Variants in NFIL3 observed in about 807,000 individuals in gnomAD.
NFIL3 encodes nuclear factor interleukin-3-regulated protein.
NFIL3 carries 5 observed loss-of-function variants against 10.0 expected under a neutral mutation model. That is an observed-to-expected ratio of 0.50 (90% confidence interval 0.26 to 1.06). The LOEUF (loss-of-function observed/expected upper bound fraction) is 1.06. NFIL3 is among the 50% of genes least tolerant of loss of function. NFIL3 has a pLI of 0.13. For missense variants in NFIL3, 436 were observed against 547.6 expected, an observed-to-expected ratio of 0.80 and a Z score of 2.03; for synonymous variants, 202 against 206.5, an observed-to-expected ratio of 0.98 and a Z score of 0.19.
chr9:91,462,025 G>C, the NFIL3 span, among the ~76,000 whole-genome samples: 2 of 152,040 alleles, frequency 1.3e-5, no homozygotes, highest in Admixed American at 1.3e-4. Flanking sequence ...TATTCAATGG[G>C]TACTTAAAAC....
At chr9:91,479,876 G>A in the NFIL3 span, among the ~76,000 whole-genome samples, 1 of 152,162 alleles carries the variant, frequency 6.6e-6, no homozygotes, top group East Asian at 1.9e-4. Flanking sequence ...TCATGGCACA[G>A]TCCCTCACGG....
the NFIL3 span, among the ~76,000 whole-genome samples, chr9:91,455,147 T>C: frequency 2.0e-5 from 3 of 152,214 alleles, no homozygotes; most frequent in East Asian, 5.8e-4. Context: ...TAGTATCTGT[T>C]GAGTTTCTCC....
intron 1 of NFIL3, among the ~76,000 whole-genome samples, chr9:91,416,117 G>T (rs1379490488): frequency 6.6e-6 from 1 of 150,962 alleles, no homozygotes; most frequent in South Asian, 2.1e-4. Context: ...TAGAGAAAAA[G>T]AAATATGATA....
the NFIL3 span, among the ~76,000 whole-genome samples, chr9:91,470,278 G>A: frequency 7.0e-3 from 1,067 of 151,740 alleles, 11 homozygotes; most frequent in African/African-American, 0.025. Flanking sequence ...ATGTGTCCAG[G>A]AATTTATCCA....
At chr9:91,412,098 C>CA (rs56891881) in intron 1 of NFIL3, among the ~76,000 whole-genome samples, 1,457 of 75,482 alleles carry the variant, frequency 0.019, 13 homozygotes, top group Non-Finnish European at 0.025. Context: ...AAGACTCTGT[C>CA]AAAAAAAAAA....
the NFIL3 span, among the ~76,000 whole-genome samples, chr9:91,429,590 G>A: frequency 1.6e-3 from 244 of 151,188 alleles, no homozygotes; most frequent in African/African-American, 5.5e-3. Flanking sequence ...AGATTAAAGT[G>A]AATGCTCTCC....
chr9:91,473,789 A>T, the NFIL3 span, among the ~76,000 whole-genome samples: 1 of 152,236 alleles, frequency 6.6e-6, no homozygotes, highest in Admixed American at 6.5e-5. Context: ...TGTCTTCTGC[A>T]TCGATTACGC....
chr9:91,418,758 A>G (rs1833704801), intron 1 of NFIL3, among the ~76,000 whole-genome samples: 1 of 152,224 alleles, frequency 6.6e-6, no homozygotes, highest in Non-Finnish European at 1.5e-5. Flanking sequence ...GCACAGATTA[A>G]TAACAAATGG....
chr9:91,421,068 T>C (rs1283898758), intron 1 of NFIL3, among the ~76,000 whole-genome samples: 3 of 152,114 alleles, frequency 2.0e-5, no homozygotes, highest in African/African-American at 7.2e-5. Context: ...ACGCGCTTGG[T>C]TCCGAAATAC....
At chr9:91,433,172 A>C in the NFIL3 span, among the ~76,000 whole-genome samples, 7,989 of 152,336 alleles carry the variant, frequency 0.052, 284 homozygotes, top group Middle Eastern at 0.14. Flanking sequence ...AGAATTCAGT[A>C]ATGTAGCTGG....
chr9:91,434,624 C>T, the NFIL3 span, among the ~76,000 whole-genome samples: 1 of 151,900 alleles, frequency 6.6e-6, no homozygotes, highest in Non-Finnish European at 1.5e-5. Flanking sequence ...AATTAAAAGA[C>T]AAAAAATTTG....
chr9:91,470,704 A>G, the NFIL3 span, among the ~76,000 whole-genome samples: 2 of 152,144 alleles, frequency 1.3e-5, no homozygotes, highest in Non-Finnish European at 2.9e-5. Flanking sequence ...TGTCCCAGAA[A>G]TTCTGGTATG....
At chr9:91,460,680 GT>G in the NFIL3 span, among the ~76,000 whole-genome samples, 1 of 152,202 alleles carries the variant, frequency 6.6e-6, no homozygotes, top group South Asian at 2.1e-4. Context: ...TTTTTCAAGG[GT>G]TTTCCCTGGG....
chr9:91,413,837 G>T (rs147995085), intron 1 of NFIL3, among the ~76,000 whole-genome samples: 116 of 151,976 alleles, frequency 7.6e-4, no homozygotes, highest in African/African-American at 2.7e-3. Flanking sequence ...ATCCCTTGCA[G>T]ACTATTATTC....
the NFIL3 span, among the ~76,000 whole-genome samples, chr9:91,480,048 C>T: frequency 2.0e-5 from 3 of 151,952 alleles, no homozygotes; most frequent in East Asian, 6.0e-4. Flanking sequence ...AAATCACCCA[C>T]TCTCTGTGTT....
the NFIL3 span, among the ~76,000 whole-genome samples, chr9:91,429,555 T>C: frequency 0.02 from 3,016 of 152,246 alleles, 84 homozygotes; most frequent in African/African-American, 0.067. Context: ...AAAAGTTGTC[T>C]TCTGGAGTCG....
At chr9:91,422,395 C>G (rs1364812880) in intron 1 of NFIL3, among the ~76,000 whole-genome samples, 1 of 152,016 alleles carries the variant, frequency 6.6e-6, no homozygotes, top group African/African-American at 2.4e-5. Context: ...GGGCAAAAGA[C>G]ACACATTCGG....
chr9:91,474,715 T>C, the NFIL3 span, among the ~76,000 whole-genome samples: 1 of 152,114 alleles, frequency 6.6e-6, no homozygotes, highest in Non-Finnish European at 1.5e-5. Context: ...TTAGGTGAGG[T>C]GGAAGAAAGA....
the NFIL3 span, among the ~76,000 whole-genome samples, chr9:91,431,678 T>G: frequency 6.6e-6 from 1 of 152,180 alleles, no homozygotes; most frequent in Non-Finnish European, 1.5e-5. Flanking sequence ...ACTTTGGCCT[T>G]CAGGGAGTGT....
Sources: gnomAD v4.1 joint callset for allele counts (sites outside exome capture counted in the v4.1 genomes callset) on GRCh38, gnomAD v4.1.1 for gene constraint, MANE v1.5 for transcripts, NCBI Gene and HGNC (gene_info 2026-07-23, HGNC 2026-07-21) for gene names.